DCUN1D3: variants seen among roughly 807,000 people sequenced by gnomAD.
DCUN1D3 encodes the protein defective in cullin neddylation 1 domain containing 3.
In DCUN1D3, 6 loss-of-function variants were observed where a neutral mutation model predicts 24.8. The ratio of observed to expected loss-of-function variants is 0.24; its 90% CI spans 0.13 to 0.48. The LOEUF is 0.48. Ranked by LOEUF, DCUN1D3 falls within the 20% of genes least tolerant of loss-of-function variation. The pLI, the probability that DCUN1D3 is intolerant of heterozygous loss-of-function variation, is 0.99. For synonymous variants in DCUN1D3, 120 were observed against 144.9 expected (o/e 0.83, Z 1.24); for missense variants, 258 against 379.4 (o/e 0.68, Z 2.66).
chr16:20,886,924 G>C (rs905969328), intron 1 of DCUN1D3, among the ~76,000 whole-genome samples: 9 of 152,180 alleles, frequency 5.9e-5, no homozygotes, highest in Non-Finnish European at 1.2e-4. Context: ...TTGCAATTTT[G>C]TCTTTGACAT....
chr16:20,862,477 T>C lies in DCUN1D3; in HGVS notation c.62A>G (p.Asp21Gly). ...ATGTGACTTGTTGCTGGGCTCACGGTCTCCATTTTTGCTGCCCAGGGTCGA... is the reference window on the plus strand; with the variant it reads ...ATGTGACTTGTTGCTGGGCTCACGGCCTCCATTTTTGCTGCCCAGGGTCGA... ...PSSTLGSKNG[D>G]REPSNKSHSR... is the part of the protein sequence containing the mutation. The change falls in exon 2 of 3, where the codon GAC (aspartate) becomes GGC (glycine). Residue 21 changes from aspartate (D) to glycine (G), a missense_variant. Transcript: ENST00000324344. 1.9e-6 allele frequency: 3 copies of C among 1,611,928 alleles called. No individual in the cohort carries two copies. The highest frequency in any genetic ancestry group is 2.7e-5 in the African/African-American group (2 of 75,018).
At chr16:20,879,344 C>T (rs558306922) in intron 1 of DCUN1D3, among the ~76,000 whole-genome samples, 1 of 152,120 alleles carries the variant, frequency 6.6e-6, no homozygotes, top group African/African-American at 2.4e-5. Flanking sequence ...CAAACTGATA[C>T]CCCTCTTGTG....
At chr16:20,879,051 G>A (rs2081829856) in intron 1 of DCUN1D3, among the ~76,000 whole-genome samples, 1 of 152,172 alleles carries the variant, frequency 6.6e-6, no homozygotes, top group Admixed American at 6.5e-5. Context: ...ATTTGGGGTA[G>A]AAAGAGAATA....
At chr16:20,867,041 A>AAGGG (rs2081765639) in intron 1 of DCUN1D3, among the ~76,000 whole-genome samples, 1 of 152,242 alleles carries the variant, frequency 6.6e-6, no homozygotes, top group Non-Finnish European at 1.5e-5. Flanking sequence ...AGCAGTCATC[A>AAGGG]ATTATTGAGC....
chr16:20,882,033 C>A (rs1340799061), intron 1 of DCUN1D3, among the ~76,000 whole-genome samples: 1 of 151,996 alleles, frequency 6.6e-6, no homozygotes, highest in Non-Finnish European at 1.5e-5. Context: ...AAACTCCTGA[C>A]CTTGTGATCT....
At chr16:20,877,996 C>G (rs1023283909) in intron 1 of DCUN1D3, among the ~76,000 whole-genome samples, 20 of 152,206 alleles carry the variant, frequency 1.3e-4, no homozygotes, top group African/African-American at 4.8e-4. Flanking sequence ...CAGACAGGGT[C>G]TTGCTATGTT....
chr16:20,900,118 CT>C (rs1567435073), intron 1 of DCUN1D3, 85 bp downstream of exon 1: 2 of 144,466 alleles, frequency 1.4e-5, no homozygotes, highest in African/African-American at 5.2e-5. Context: ...TTCCACCCCC[CT>C]TTCTCGAAGG....
intron 1 of DCUN1D3, among the ~76,000 whole-genome samples, chr16:20,867,682 T>A (rs1188674347): frequency 1.3e-5 from 2 of 152,236 alleles, no homozygotes; most frequent in Non-Finnish European, 2.9e-5. Context: ...CAGCTGTTAC[T>A]GTATCAGTAG....
At position 20,857,358 on chromosome 16, in the gene DCUN1D3, C is replaced by T. The variant is rs2081707375; in HGVS notation, c.*2528G>A. ...GCTAAATAGTTAATTTAAAAAACAA[C>T]AAAATACATCCACTCTAGTACATCT... On this transcript the variant is annotated 3_prime_UTR_variant, in exon 3 of 3. Coordinates refer to ENST00000324344, the MANE Select transcript of DCUN1D3 (RefSeq NM_173475.4). The T allele has an allele frequency of 6.6e-6, 1 of 152,142 alleles. No individual in the cohort carries two copies. Among genetic ancestry groups the T allele is most frequent in the African/African-American group, 2.4e-5 (1 of 41,412 alleles). 9.4% of individuals were successfully genotyped at this position (152,142 alleles called of 1,614,324 possible).
intron 1 of DCUN1D3, among the ~76,000 whole-genome samples, chr16:20,891,408 C>T (rs1009116348): frequency 6.6e-6 from 1 of 152,194 alleles, no homozygotes; most frequent in South Asian, 2.1e-4. Context: ...ATGTCAAGAG[C>T]CACTATCCAG....
At chr16:20,877,016 C>A (rs2081819386) in intron 1 of DCUN1D3, among the ~76,000 whole-genome samples, 2 of 151,788 alleles carry the variant, frequency 1.3e-5, no homozygotes, top group African/African-American at 2.4e-5. Flanking sequence ...TAAGACCTAG[C>A]GTTGGAAAAA....
chr16:20,896,716 T>C (rs2081917843), intron 1 of DCUN1D3, among the ~76,000 whole-genome samples: 2 of 152,230 alleles, frequency 1.3e-5, no homozygotes, highest in Non-Finnish European at 2.9e-5. Context: ...CATCAGCATA[T>C]AAGTTAAGTC....
chr16:20,900,241 G>T lies in DCUN1D3; in HGVS notation c.-143C>A, dbSNP rs2081971519. On this transcript the variant is annotated 5_prime_UTR_variant, in exon 1 of 3. Transcript: ENST00000324344. ...GGTTCCTCCAGTCAAACCCTTTCTGGAAACGACGGCGGCCCGGCGGGTCCA... is the reference window on the plus strand; with the variant it reads ...GGTTCCTCCAGTCAAACCCTTTCTGTAAACGACGGCGGCCCGGCGGGTCCA... 1 of 149,362 alleles carries T rather than the reference G, an allele frequency of 6.7e-6. No homozygotes were observed. Among genetic ancestry groups the T allele is most frequent in the Non-Finnish European group, 1.5e-5 (1 of 67,600 alleles). The allele number at this position is 149,362 out of a possible 1,614,324, so 9.3% of individuals were successfully genotyped here. A position where few individuals can be genotyped will look rare whatever the true frequency, so the allele number is the denominator to read the frequency against.
intron 1 of DCUN1D3, among the ~76,000 whole-genome samples, chr16:20,888,816 G>A (rs976946737): frequency 6.6e-6 from 1 of 152,202 alleles, no homozygotes; most frequent in Admixed American, 6.5e-5. Context: ...GCCAGGTGCC[G>A]TGGCTCACAC....
intron 1 of DCUN1D3, among the ~76,000 whole-genome samples, chr16:20,871,907 T>C (rs1220285037): frequency 6.6e-6 from 1 of 152,228 alleles, no homozygotes; most frequent in Non-Finnish European, 1.5e-5. Context: ...CCAGTGACTT[T>C]CCCTGTTTAA....
Position 20,859,946 on chromosome 16 carries a change from C to A in DCUN1D3, c.855G>T (p.Gly285=). The A allele has an allele frequency of 6.2e-7, 1 of 1,614,210 alleles. No homozygotes were observed. Among genetic ancestry groups the A allele is most frequent in the Non-Finnish European group, 8.5e-7 (1 of 1,180,034 alleles). The change falls in exon 3 of 3, where the codon GGG becomes GGT. Residue 285 remains glycine (G), a synonymous_variant. Transcript: ENST00000324344. ...EWEMERRKRE[G]EGRGALSSGP... is the part of the protein sequence containing the mutation. ...CTGAGCTGAGTGCACCTCTCCCTTCCCCTTCTCTTTTCCTTCGCTCCATTT... is the reference window on the plus strand; with the variant it reads ...CTGAGCTGAGTGCACCTCTCCCTTCACCTTCTCTTTTCCTTCGCTCCATTT...
intron 1 of DCUN1D3, among the ~76,000 whole-genome samples, chr16:20,879,604 C>A (rs1341978100): frequency 2.0e-5 from 3 of 152,192 alleles, no homozygotes; most frequent in Non-Finnish European, 2.9e-5. Context: ...AAGCAAAAGC[C>A]AAATGCAGGC....
rs143638658 is a variant in DCUN1D3, at chr16:20,880,006, T to C, written c.-105-17363A>G. 3.6e-3 allele frequency among the ~76,000 whole-genome samples: 544 copies of C among 152,350 alleles called. 2 individuals carry two copies. The highest frequency in any genetic ancestry group is 4.9e-3 in the Non-Finnish European group (330 of 68,030). On this transcript the variant is annotated intron_variant, in intron 1 of 2. Transcript: ENST00000324344. The stretch of plus-strand genomic sequence containing the variant: ...ACTTGTTTCTTCCAGGCCAAAAACA[T>C]ATTTTAAGAACCAGAAAAGAAAATG...
chr16:20,880,421 G>A (rs2081837078), intron 1 of DCUN1D3, among the ~76,000 whole-genome samples: 3 of 151,910 alleles, frequency 2.0e-5, no homozygotes, highest in East Asian at 1.9e-4. Context: ...GCAACATAGG[G>A]AGACCCAATT....
Sources: gnomAD v4.1 joint callset for allele counts (sites outside exome capture counted in the v4.1 genomes callset) on GRCh38, gnomAD v4.1.1 for gene constraint, MANE v1.5 for transcripts, NCBI Gene and HGNC (gene_info 2026-07-23, HGNC 2026-07-21) for gene names.